IQGAP3: variants seen among roughly 807,000 people sequenced by gnomAD.
The protein encoded by IQGAP3 is IQ motif containing GTPase activating protein 3, also known as ras GTPase-activating-like protein IQGAP3.
IQGAP3 carries 165 observed loss-of-function variants against 208.2 expected under a neutral mutation model. The observed-to-expected ratio is 0.79, with a 90% CI of 0.70 to 0.90. IQGAP3 has a LOEUF of 0.90. IQGAP3 is among the 40% of genes least tolerant of loss of function. The pLI is 0.00. For missense variants in IQGAP3, 1,811 were observed against 2,043.1 expected, an observed-to-expected ratio of 0.89 and a Z score of 2.19; for synonymous variants, 703 against 803.6, an observed-to-expected ratio of 0.87 and a Z score of 2.12.
rs138994844 is a variant in IQGAP3, at chr1:156,528,517, G to A, written c.4665C>T (p.Pro1555=). 4.4e-4 allele frequency: 709 copies of A among 1,612,536 alleles called. No individual in the cohort carries two copies. Among genetic ancestry groups the A allele is most frequent in the Non-Finnish European group, 5.7e-4 (666 of 1,178,684 alleles). The change falls in exon 36 of 38, where the codon CCC becomes CCT. Residue 1555 remains proline, a synonymous_variant. Transcript: ENST00000361170. The stretch of plus-strand genomic sequence containing the variant: ...CCTCCAAAGACACATACTGAGAGGC[G>A]GGAAGATCTTCAATTTCCACCAAGA... ...KGVLVEIEDL[P]ASHFRNVIFD... is the part of the protein sequence containing the mutation.
chr1:156,554,159 C>T, intron 13 of IQGAP3, 76 bp downstream of exon 13: 3 of 1,492,986 alleles, frequency 2.0e-6, no homozygotes, highest in Non-Finnish European at 2.7e-6. Context: ...CAAGGCAAGT[C>T]TCCAACAGAA....
chr1:156,537,151 C>G (rs376754042), intron 27 of IQGAP3, 30 bp downstream of exon 27: 14 of 1,601,842 alleles, frequency 8.7e-6, no homozygotes, highest in East Asian at 2.2e-5. Flanking sequence ...AAATCCCATG[C>G]GTAGGCTGGG....
rs60968936 is a variant in IQGAP3 at position 156,547,117 on chromosome 1, GGCTT to G, written c.2304+952_2304+955del. Among the ~76,000 whole-genome samples the G allele has an allele frequency of 6.3e-3, 962 of 152,172 alleles. 7 individuals carry two copies. Among genetic ancestry groups the G allele is most frequent in the African/African-American group, 0.022 (913 of 41,506 alleles). ...TATCTGCTCAATTGCCATCATTCCT[GGCTT>G]GCTTGCACAGTGTCTCTGGCTATCT... On this transcript the variant is annotated intron_variant, in intron 19 of 37. Transcript: ENST00000361170.
At position 156,552,697 on chromosome 1, in the gene IQGAP3, A is replaced by G. The variant is rs189320591; in HGVS notation, c.1449-602T>C. 7.2e-5 allele frequency among the ~76,000 whole-genome samples: 11 copies of G among 152,326 alleles called. No individual in the cohort carries two copies. In the East Asian group the frequency reaches 2.1e-3, roughly 29 times the overall value. ...CATCATCTCTTGCCTGGATTACTCC[A>G]ATAGCTGTCTAACAGGTCTCCCTGC... On this transcript the variant is annotated intron_variant, in intron 13 of 37. Coordinates refer to ENST00000361170, the MANE Select transcript of IQGAP3 (RefSeq NM_178229.5).
At chr1:156,551,426 A>G (rs556812185) in intron 15 of IQGAP3, among the ~76,000 whole-genome samples, 1 of 152,344 alleles carries the variant, frequency 6.6e-6, no homozygotes, top group African/African-American at 2.4e-5. Context: ...AATAGAGCTC[A>G]GAGATATCAA....
chr1:156,562,461 G>T, intron 9 of IQGAP3, 126 bp downstream of exon 9: 1 of 769,882 alleles, frequency 1.3e-6, no homozygotes, highest in Non-Finnish European at 2.3e-6. Context: ...ATCTTTCTCC[G>T]AGGCAAGAGT....
intron 32 of IQGAP3, among the ~76,000 whole-genome samples, chr1:156,532,386 CAA>C (rs11302550): frequency 2.6e-3 from 216 of 81,542 alleles, no homozygotes; most frequent in African/African-American, 7.4e-3. Context: ...GACTCCATCT[CAA>C]AAAAAAAAAA....
At chr1:156,552,694 T>C (rs1422369715) in intron 13 of IQGAP3, among the ~76,000 whole-genome samples, 1 of 152,234 alleles carries the variant, frequency 6.6e-6, no homozygotes, top group African/African-American at 2.4e-5. Flanking sequence ...CCTGGATTAC[T>C]CCAATAGCTG....
chr1:156,534,859 C>A (rs1674616246), intron 28 of IQGAP3, 126 bp from the exon 29 acceptor site: 3 of 725,370 alleles, frequency 4.1e-6, no homozygotes, highest in African/African-American at 1.8e-5. Flanking sequence ...AGAAAACAGG[C>A]CCAGAGCAGG....
Position 156,555,555 on chromosome 1 carries a change from G to A in IQGAP3, c.1290+978C>T, listed in dbSNP as rs914244229. Among the ~76,000 whole-genome samples, 3 of 152,024 alleles carry A rather than the reference G, an allele frequency of 2.0e-5. No individual in the cohort carries two copies. In the South Asian group the frequency reaches 6.2e-4, roughly 32 times the overall value. ...TCCTATTTTCTCCTAACAGAATGTT[G>A]TGAATATCAACAACAATAATATTAA... On this transcript the variant is annotated intron_variant, in intron 12 of 37. Coordinates refer to ENST00000361170, the MANE Select transcript of IQGAP3 (RefSeq NM_178229.5).
In IQGAP3 at chr1:156,539,336, C is replaced by G. The variant is rs140557671; in HGVS notation, c.3056+38G>C. The G allele has an allele frequency of 1.8e-3, 2,892 of 1,592,112 alleles. 49 individuals carry two copies. In the African/African-American group the frequency reaches 0.035, roughly 19 times the overall value. ...GGAGCCAACAGGGGGATCTCTTAAC[C>G]CATTCTCTCCCCATTCCTTTGTGTC... is the stretch of plus-strand genomic sequence containing the variant. On this transcript the variant is annotated intron_variant, in intron 25 of 37. Coordinates refer to ENST00000361170, the MANE Select transcript of IQGAP3 (RefSeq NM_178229.5).
Position 156,533,886 on chromosome 1 carries a change from G to T in IQGAP3, c.3874-11C>A. ...GTGCTCCAGCAACAGCTGCAGGACGGAGAAAGAAAAGGAGATGCAGGGTCT... is the reference window on the plus strand; with the variant it reads ...GTGCTCCAGCAACAGCTGCAGGACGTAGAAAGAAAAGGAGATGCAGGGTCT... On this transcript the variant is annotated splice_polypyrimidine_tract_variant and intron_variant, in intron 30 of 37. Transcript: ENST00000361170. 6.2e-7 allele frequency: 1 copy of T among 1,606,692 alleles called. No homozygotes were observed. Among genetic ancestry groups the T allele is most frequent in the East Asian group, 2.2e-5 (1 of 44,806 alleles).
chr1:156,538,732 C>T (rs970729568), intron 26 of IQGAP3, 77 bp downstream of exon 26: 3 of 1,264,636 alleles, frequency 2.4e-6, no homozygotes, highest in Non-Finnish European at 3.4e-6. Flanking sequence ...ACCCAAGCTT[C>T]CCCAGTAGGG....
intron 32 of IQGAP3, 22 bp downstream of exon 32, chr1:156,532,958 G>A: frequency 6.2e-7 from 1 of 1,613,520 alleles, no homozygotes; most frequent in Non-Finnish European, 8.5e-7. Context: ...GGTATGCAGG[G>A]GCAGAGGCTG....
intron 5 of IQGAP3, among the ~76,000 whole-genome samples, 172 bp from the exon 6 acceptor site, chr1:156,563,996 G>A (rs369549453): frequency 3.9e-5 from 6 of 152,136 alleles, no homozygotes; most frequent in Admixed American, 2.0e-4. Context: ...ATCAGCCCAA[G>A]GAAAGTGCTG....
rs745677008 is a variant in IQGAP3 at position 156,544,104 on chromosome 1, A to C, written c.2460+48T>G. ...TGCTGGCTGTCCTTGCTCTAGTCTCATGGGCAAAGGTTGGGTATGTGGGCA... is the reference window on the plus strand; with the variant it reads ...TGCTGGCTGTCCTTGCTCTAGTCTCCTGGGCAAAGGTTGGGTATGTGGGCA... On this transcript the variant is annotated intron_variant, in intron 21 of 37. Transcript: ENST00000361170. The C allele has an allele frequency of 2.3e-5, 37 of 1,612,944 alleles. 1 individual carries two copies. In the Middle Eastern group the frequency reaches 3.0e-3, roughly 129 times the overall value.
chr1:156,527,545 C>T (rs939757944), intron 37 of IQGAP3, among the ~76,000 whole-genome samples: 4 of 152,186 alleles, frequency 2.6e-5, no homozygotes, highest in African/African-American at 7.2e-5. Context: ...ACCGTTGCTT[C>T]ACTCCTTTCC....
At chr1:156,555,852 T>C (rs528556269) in intron 12 of IQGAP3, among the ~76,000 whole-genome samples, 24 of 152,376 alleles carry the variant, frequency 1.6e-4, no homozygotes, top group Non-Finnish European at 3.1e-4. Flanking sequence ...ACTTATTTTA[T>C]GCTTCCTTGT....
chr1:156,538,642 A>T (rs1674820487), intron 26 of IQGAP3, among the ~76,000 whole-genome samples, 167 bp downstream of exon 26: 1 of 152,236 alleles, frequency 6.6e-6, no homozygotes, highest in Non-Finnish European at 1.5e-5. Flanking sequence ...GGTCTAAAAG[A>T]CTACCTTATT....
Sources: gnomAD v4.1 joint callset for allele counts (sites outside exome capture counted in the v4.1 genomes callset) on GRCh38, gnomAD v4.1.1 for gene constraint, MANE v1.5 for transcripts, NCBI Gene and HGNC (gene_info 2026-07-23, HGNC 2026-07-21) for gene names.